LOC128092252: variants seen among roughly 807,000 people sequenced by gnomAD.
the LOC128092252 span, among the ~76,000 whole-genome samples, chr15:50,679,520 ATATATATATATATATATATTT>A: frequency 3.7e-4 from 7 of 18,770 alleles, 1 homozygote; most frequent in African/African-American, 9.3e-4. Flanking sequence ...TAATATATAT[ATATATATATATATATATATTT>A]TTTTTTTTTT....
At chr15:50,686,518 G>T in the LOC128092252 span, 1 of 1,613,812 alleles carries the variant, frequency 6.2e-7, no homozygotes, top group Non-Finnish European at 8.5e-7. Context: ...CCGGGCCTGC[G>T]TGGGTCCAGT....
At chr15:50,679,516 ATATAT>A in the LOC128092252 span, among the ~76,000 whole-genome samples, 1 of 32,390 alleles carries the variant, frequency 3.1e-5, no homozygotes, top group Non-Finnish European at 4.9e-5. Context: ...TATATAATAT[ATATAT>A]ATATATATAT....
chr15:50,652,168 A>G, the LOC128092252 span, among the ~76,000 whole-genome samples: 4 of 151,396 alleles, frequency 2.6e-5, no homozygotes, highest in African/African-American at 9.7e-5. Context: ...TCCTGTCTCT[A>G]CTAAAAATAC....
chr15:50,683,491 T>C, the LOC128092252 span, among the ~76,000 whole-genome samples: 4 of 150,598 alleles, frequency 2.7e-5, no homozygotes, highest in South Asian at 2.1e-4. Flanking sequence ...TCCCAACACT[T>C]TGGGAGGCCG....
At chr15:50,680,373 T>TC in the LOC128092252 span, among the ~76,000 whole-genome samples, 1 of 151,956 alleles carries the variant, frequency 6.6e-6, no homozygotes, top group Non-Finnish European at 1.5e-5. Context: ...AAACTCTGTC[T>TC]CCAGTAAAAA....
the LOC128092252 span, among the ~76,000 whole-genome samples, chr15:50,656,615 C>T: frequency 1.6e-4 from 24 of 151,576 alleles, no homozygotes; most frequent in Non-Finnish European, 2.9e-5. Flanking sequence ...GGATTACAGG[C>T]GCGAACCATC....
the LOC128092252 span, among the ~76,000 whole-genome samples, chr15:50,653,707 T>C: frequency 2.0e-5 from 3 of 151,906 alleles, no homozygotes; most frequent in East Asian, 1.9e-4. Flanking sequence ...GTTGAAACAG[T>C]TGGAATTTGT....
the LOC128092252 span, among the ~76,000 whole-genome samples, chr15:50,655,944 C>T: frequency 1.3e-5 from 2 of 151,060 alleles, no homozygotes; most frequent in Non-Finnish European, 2.9e-5. Flanking sequence ...GAGCTGAGAT[C>T]GCACCACTGT....
At chr15:50,677,979 C>A in the LOC128092252 span, among the ~76,000 whole-genome samples, 4 of 151,780 alleles carry the variant, frequency 2.6e-5, no homozygotes, top group African/African-American at 9.7e-5. Context: ...GTGGCTCATG[C>A]CTATAATCCC....
At chr15:50,674,581 A>G in the LOC128092252 span, among the ~76,000 whole-genome samples, 1 of 152,208 alleles carries the variant, frequency 6.6e-6, no homozygotes, top group East Asian at 1.9e-4. Flanking sequence ...GCATACCACC[A>G]TTATGGTATT....
At chr15:50,685,309 C>CA in the LOC128092252 span, among the ~76,000 whole-genome samples, 1 of 152,132 alleles carries the variant, frequency 6.6e-6, no homozygotes, top group Non-Finnish European at 1.5e-5. Flanking sequence ...ACTAAAAATG[C>CA]AAAAATTAGC....
At chr15:50,652,858 T>C in the LOC128092252 span, among the ~76,000 whole-genome samples, 1 of 152,080 alleles carries the variant, frequency 6.6e-6, no homozygotes, top group Non-Finnish European at 1.5e-5. Flanking sequence ...AGGCAAAGCA[T>C]TAGCATTACA....
chr15:50,686,172 G>A, the LOC128092252 span, among the ~76,000 whole-genome samples: 4 of 152,226 alleles, frequency 2.6e-5, no homozygotes, highest in Non-Finnish European at 5.9e-5. Flanking sequence ...GCTCCCAGGA[G>A]ATGCGGAGCT....
At chr15:50,665,393 TA>T in the LOC128092252 span, among the ~76,000 whole-genome samples, 47,370 of 135,636 alleles carry the variant, frequency 0.35, 9,121 homozygotes, top group Admixed American at 0.49. Context: ...AAACTCTGTC[TA>T]AAAAAAAAAA....
chr15:50,673,803 C>A, the LOC128092252 span, among the ~76,000 whole-genome samples: 1 of 152,158 alleles, frequency 6.6e-6, no homozygotes, highest in Non-Finnish European at 1.5e-5. Context: ...AGTAGTGGGA[C>A]TGCTGTATCA....
At chr15:50,673,870 T>C in the LOC128092252 span, among the ~76,000 whole-genome samples, 4 of 152,216 alleles carry the variant, frequency 2.6e-5, no homozygotes, top group Admixed American at 1.3e-4. Flanking sequence ...CTAGTTTACA[T>C]TCCTACCAGC....
chr15:50,652,870 G>T, the LOC128092252 span, among the ~76,000 whole-genome samples: 1 of 152,036 alleles, frequency 6.6e-6, no homozygotes, highest in Admixed American at 6.6e-5. Flanking sequence ...AGCATTACAA[G>T]AAAAGACTAG....
chr15:50,668,866 A>G, the LOC128092252 span, among the ~76,000 whole-genome samples: 5 of 152,182 alleles, frequency 3.3e-5, no homozygotes, highest in East Asian at 1.9e-4. Context: ...ACAGGACACA[A>G]TTGGAGAAAC....
At chr15:50,650,889 G>GA in the LOC128092252 span, among the ~76,000 whole-genome samples, 32 of 152,300 alleles carry the variant, frequency 2.1e-4, no homozygotes, top group African/African-American at 7.0e-4. Context: ...CAGCATGCAT[G>GA]AAAAATTCCC....
Sources: gnomAD v4.1 joint callset for allele counts (sites outside exome capture counted in the v4.1 genomes callset) on GRCh38, gnomAD v4.1.1 for gene constraint, MANE v1.5 for transcripts.